Variants in NEK5 observed in about 807,000 individuals in gnomAD.
NEK5 encodes the protein NIMA related kinase 5.
Under a neutral mutation model 109.2 loss-of-function variants are expected in NEK5, and 88 were observed. The ratio of observed to expected loss-of-function variants is 0.81; its 90% CI spans 0.68 to 0.96. NEK5 has a LOEUF of 0.96. Ranked by LOEUF, NEK5 falls within the 40% of genes least tolerant of loss-of-function variation. The pLI is 0.00. For synonymous variants in NEK5, 283 were observed against 299.9 expected (o/e 0.94, Z 0.58); for missense variants, 834 against 920.7 (o/e 0.91, Z 1.22).
chr13:52,125,549 C>T (rs530659930), intron 3 of NEK5, among the ~76,000 whole-genome samples: 198 of 152,236 alleles, frequency 1.3e-3, no homozygotes, highest in Non-Finnish European at 1.2e-3. Flanking sequence ...GGCGACAGAG[C>T]GAGACTCCAC....
intron 19 of NEK5, among the ~76,000 whole-genome samples, chr13:52,073,691 A>G (rs1954818199): frequency 6.6e-6 from 1 of 152,058 alleles, no homozygotes; most frequent in African/African-American, 2.4e-5. Context: ...AAGTCAAACC[A>G]TCTCTTCACG....
rs527551070 is a variant in NEK5 at position 52,127,800 on chromosome 13, T to G, written c.-90-138A>C. The G allele has an allele frequency of 1.2e-5, 3 of 253,842 alleles. No homozygotes were observed. The South Asian group carries it at 2.4e-4, about 20-fold the overall frequency. 15.7% of individuals were successfully genotyped at this position (253,842 alleles called of 1,614,324 possible). Reference sequence around the variant, plus strand: ...ATTTCTAAAATGGAATAACAATACCTGTTTTGCAAGTTTGTTCTGAGAATG... The same window carrying G: ...ATTTCTAAAATGGAATAACAATACCGGTTTTGCAAGTTTGTTCTGAGAATG... On this transcript the variant is annotated intron_variant, in intron 1 of 23. Coordinates refer to ENST00000684899, the MANE Select transcript of NEK5 (RefSeq NM_001365552.1).
At chr13:52,063,723 CGA>C (rs1954636228) in intron 21 of NEK5, among the ~76,000 whole-genome samples, 7 of 131,506 alleles carry the variant, frequency 5.3e-5, no homozygotes, top group Non-Finnish European at 8.7e-5. Context: ...TGCCCGGCCG[CGA>C]CCCCGTCTGG....
chr13:52,087,353 G>GT lies in NEK5; in HGVS notation c.1376dup (p.Asn459LysfsTer22). The GT allele has an allele frequency of 6.4e-7, 1 of 1,569,862 alleles. No homozygotes were observed. The highest frequency in any genetic ancestry group is 8.8e-7 in the Non-Finnish European group (1 of 1,140,372). ...AGTTTTTAACCTGTTCCTTCATTTC[G>GT]TTTTTCCTAAATGGCAGCTCCTGGA... On this transcript the variant is annotated frameshift_variant, in exon 15 of 24. Transcript: ENST00000684899. LOFTEE classifies it high-confidence loss of function.
At chr13:52,054,550 T>A (rs1278090633) in intron 22 of NEK5, among the ~76,000 whole-genome samples, 2 of 152,224 alleles carry the variant, frequency 1.3e-5, no homozygotes, top group African/African-American at 4.8e-5. Context: ...AAAGTCCCTG[T>A]CTGACAGCTT....
At chr13:52,128,194 TC>T (rs149695169) in intron 1 of NEK5, among the ~76,000 whole-genome samples, 2,317 of 152,034 alleles carry the variant, frequency 0.015, 72 homozygotes, top group Admixed American at 0.08. Flanking sequence ...AATGAACACT[TC>T]TTTTTTTTTT....
At chr13:52,119,262 A>G (rs1041532946) in intron 4 of NEK5, 57 bp downstream of exon 4, 1 of 896,524 alleles carries the variant, frequency 1.1e-6, no homozygotes, top group Non-Finnish European at 1.7e-6. Context: ...ATCTTTTTAC[A>G]TATGTCAACA....
chr13:52,079,338 C>T (rs1387439177), intron 17 of NEK5, among the ~76,000 whole-genome samples: 1 of 129,454 alleles, frequency 7.7e-6, no homozygotes, highest in Non-Finnish European at 1.6e-5. Context: ...CACGGTCTCC[C>T]TCTGATGCCG....
Position 52,038,825 on chromosome 13 carries a change from G to GAAAAAA in NEK5, c.2229-1613_2229-1608dup, listed in dbSNP as rs1183060212. On this transcript the variant is annotated intron_variant, in intron 23 of 23. Coordinates refer to ENST00000684899, the MANE Select transcript of NEK5 (RefSeq NM_001365552.1). ...AGGCATCAGAGCAAGACACTCATCT[G>GAAAAAA]AAAAAAAAAAAAAAAAAAAAGTGGT... is the stretch of plus-strand genomic sequence containing the variant. Among the ~76,000 whole-genome samples the GAAAAAA allele has an allele frequency of 7.3e-4, 69 of 94,418 alleles. 5 individuals are homozygous for GAAAAAA. Among genetic ancestry groups the GAAAAAA allele is most frequent in the African/African-American group, 1.3e-3 (29 of 22,998 alleles). The allele number at this position is 94,418 out of a possible 152,430, so 61.9% of individuals were successfully genotyped here. A position where few individuals can be genotyped will look rare whatever the true frequency, so the allele number is the denominator to read the frequency against.
intron 12 of NEK5, among the ~76,000 whole-genome samples, chr13:52,099,487 T>C (rs1289782983): frequency 6.6e-6 from 1 of 152,110 alleles, no homozygotes; most frequent in African/African-American, 2.4e-5. Context: ...CTGGCCAATA[T>C]GGTGAAACCC....
chr13:52,122,282 T>A (rs1955985364), intron 3 of NEK5, among the ~76,000 whole-genome samples: 1 of 152,168 alleles, frequency 6.6e-6, no homozygotes, highest in Non-Finnish European at 1.5e-5. Context: ...GTTGTGAAGA[T>A]TAAATTGAGT....
chr13:52,039,286 C>T (rs2140878404), intron 23 of NEK5, among the ~76,000 whole-genome samples: 1 of 152,266 alleles, frequency 6.6e-6, no homozygotes, highest in South Asian at 2.1e-4. Flanking sequence ...GGTTTGGAAT[C>T]ACTGATACAC....
In NEK5 at chr13:52,117,769, A is replaced by G. The variant is rs368180002; in HGVS notation, c.214+1550T>C. 2.0e-5 allele frequency among the ~76,000 whole-genome samples: 3 copies of G among 152,314 alleles called. No individual in the cohort carries two copies. In the South Asian group the frequency reaches 6.2e-4, roughly 32 times the overall value. On this transcript the variant is annotated intron_variant, in intron 4 of 23. Transcript: ENST00000684899. Reference sequence around the variant, plus strand: ...AACAAATTCATAATTATATAAATAGACATATGTAAGTACAACTGCTGTGGA... The same window carrying G: ...AACAAATTCATAATTATATAAATAGGCATATGTAAGTACAACTGCTGTGGA...
chr13:52,092,062 T>C (rs1955295302), intron 13 of NEK5, among the ~76,000 whole-genome samples: 1 of 152,178 alleles, frequency 6.6e-6, no homozygotes, highest in Non-Finnish European at 1.5e-5. Context: ...GAAGAAAGAA[T>C]ATTAAAAGAG....
At chr13:52,073,403 C>A (rs558457559) in intron 19 of NEK5, among the ~76,000 whole-genome samples, 409 of 151,776 alleles carry the variant, frequency 2.7e-3, no homozygotes, top group Admixed American at 7.1e-3. Flanking sequence ...GCAACCTCTG[C>A]CTCCTGGGTT....
intron 22 of NEK5, 61 bp downstream of exon 22, chr13:52,061,758 T>C (rs1188324709): frequency 1.4e-6 from 1 of 712,914 alleles, no homozygotes; most frequent in East Asian, 1.3e-4. Flanking sequence ...CTTTCAGCAT[T>C]TGCAAGTCTT....
At chr13:52,092,301 A>G (rs1955300969) in intron 13 of NEK5, among the ~76,000 whole-genome samples, 1 of 152,212 alleles carries the variant, frequency 6.6e-6, no homozygotes, top group South Asian at 2.1e-4. Flanking sequence ...CACTTCTCAC[A>G]GTACATGTAA....
Position 52,093,102 on chromosome 13 carries a change from A to C in NEK5, c.1160T>G (p.Val387Gly), listed in dbSNP as rs749188790. The C allele has an allele frequency of 6.1e-5, 98 of 1,613,368 alleles. No individual in the cohort carries two copies. The highest frequency in any genetic ancestry group is 7.5e-5 in the Non-Finnish European group (89 of 1,179,636). The change falls in exon 13 of 24, where the codon GTT (valine) becomes GGT (glycine). Residue 387 changes from valine to glycine, a missense_variant. Transcript: ENST00000684899. The stretch of plus-strand genomic sequence containing the variant: ...CCTCGTTTCCTGACCGTAATCCTCA[A>C]CTCCAGTATTTTCTTGAGGAATAGG... ...YHPIPQENTG[V>G]EDYGQETRHG...
chr13:52,061,364 C>G (rs1198430293), intron 22 of NEK5, among the ~76,000 whole-genome samples: 1 of 152,162 alleles, frequency 6.6e-6, no homozygotes, highest in Non-Finnish European at 1.5e-5. Context: ...TGGTACTGGT[C>G]TGCGGCCCGA....
Sources: allele counts gnomAD v4.1 joint callset (sites outside exome capture counted in the v4.1 genomes callset), GRCh38; gene constraint gnomAD v4.1.1; transcripts MANE v1.5; gene names NCBI Gene and HGNC (gene_info 2026-07-23, HGNC 2026-07-21).